Variants in MID1 observed in about 807,000 individuals in gnomAD.
The protein encoded by MID1 is E3 ubiquitin-protein ligase Midline-1.
Under a neutral mutation model 40.4 loss-of-function variants are expected in MID1, and 7 were observed. That is an observed-to-expected ratio of 0.17 (90% CI 0.10 to 0.33). The LOEUF is 0.33. MID1 is among the 10% of genes least tolerant of loss of function. MID1 has a pLI of 1.00. For synonymous variants in MID1, 229 were observed against 221.2 expected (o/e 1.04, Z -0.31); for missense variants, 367 against 558.5 (o/e 0.66, Z 3.46).
At chrX:10,808,003 G>T (rs1159675897) in intron 1 of MID1, among the ~76,000 whole-genome samples, 1 of 112,516 alleles carries the variant, frequency 8.9e-6, no homozygotes, top group African/African-American at 3.2e-5. Flanking sequence ...GAAGAAAGGG[G>T]TAACAGGTTC....
intron 1 of MID1, among the ~76,000 whole-genome samples, chrX:10,756,726 A>G (rs1275914517): frequency 2.7e-5 from 3 of 112,344 alleles, no homozygotes; most frequent in Non-Finnish European, 5.6e-5. Context: ...GAAAACATAC[A>G]GGTTTTGCAG....
chrX:10,735,902 G>A (rs2043484466), intron 1 of MID1, among the ~76,000 whole-genome samples: 1 of 111,131 alleles, frequency 9.0e-6, no homozygotes, highest in African/African-American at 3.3e-5. Context: ...AAAGTGCTGG[G>A]ATTACAGGCA....
chrX:10,651,662 G>C (rs762342277), intron 1 of MID1, among the ~76,000 whole-genome samples: 5 of 112,455 alleles, frequency 4.4e-5, no homozygotes, highest in Non-Finnish European at 7.5e-5. Context: ...GTCTCGCTCT[G>C]TTGTCCAGGC....
intron 1 of MID1, among the ~76,000 whole-genome samples, chrX:10,793,934 T>C (rs1354853900): frequency 9.0e-6 from 1 of 111,560 alleles, no homozygotes. Flanking sequence ...TCCCTTCCTC[T>C]TCTCTTCTTT....
At chrX:10,735,081 C>T (rs1042184500) in intron 1 of MID1, among the ~76,000 whole-genome samples, 3 of 111,688 alleles carry the variant, frequency 2.7e-5, no homozygotes, top group Non-Finnish European at 3.8e-5. Flanking sequence ...TACCAAGAGT[C>T]GATTAGACAT....
chrX:10,720,007 G>A (rs1399580930), intron 1 of MID1, among the ~76,000 whole-genome samples: 1 of 111,997 alleles, frequency 8.9e-6, no homozygotes, highest in Non-Finnish European at 1.9e-5. Context: ...GTAGAAAGCT[G>A]AAACTGCATC....
chrX:10,565,263 T>C (rs1569106896), intron 2 of MID1: 1 of 331,399 alleles, frequency 3.0e-6, no homozygotes, highest in East Asian at 9.7e-5. Context: ...CAGTAATTCT[T>C]TGGATACTTG....
At chrX:10,519,637 T>C (rs1488439415) in intron 3 of MID1, among the ~76,000 whole-genome samples, 6 of 112,063 alleles carry the variant, frequency 5.4e-5, no homozygotes, top group Non-Finnish European at 9.4e-5. Flanking sequence ...CTCTCTCACC[T>C]ATGTTTTACT....
In MID1 at chrX:10,523,188, CTGT is replaced by C; in HGVS notation, c.661-4_661-2del. The C allele has an allele frequency of 9.3e-7, 1 of 1,076,634 alleles. No individual in the cohort carries two copies. The highest frequency in any genetic ancestry group is 2.2e-5 in the African/African-American group (1 of 45,905). 88.7% of individuals were successfully genotyped at this position (1,076,634 alleles called of 1,213,427 possible). On this transcript the variant is annotated splice_acceptor_variant and splice_polypyrimidine_tract_variant and intron_variant, in intron 2 of 9. Transcript: ENST00000317552. LOFTEE classifies it high-confidence loss of function. The stretch of plus-strand genomic sequence containing the variant: ...TGGTGAGGTTACTCTCTAAGTTTTG[CTGT>C]TCAAAAAAAAAAAAAAAAGAGGAAA...
At chrX:10,588,300 A>G (rs1382215756) in intron 1 of MID1, among the ~76,000 whole-genome samples, 1 of 112,068 alleles carries the variant, frequency 8.9e-6, no homozygotes, top group Non-Finnish European at 1.9e-5. Flanking sequence ...CTTTTAAATT[A>G]TACAACATTT....
chrX:10,792,997 G>A (rs2043943641), intron 1 of MID1, among the ~76,000 whole-genome samples: 1 of 111,900 alleles, frequency 8.9e-6, no homozygotes, highest in Non-Finnish European at 1.9e-5. Flanking sequence ...TACAAATGTG[G>A]GAAGCAAGAG....
intron 1 of MID1, chrX:10,677,727 C>A (rs950464039): frequency 1.8e-5 from 2 of 111,956 alleles, no homozygotes; most frequent in African/African-American, 6.5e-5. Context: ...TCATAGTGAC[C>A]CTGCATAGAA....
At chrX:10,832,367 A>C (rs775094074) in intron 1 of MID1, among the ~76,000 whole-genome samples, 5 of 112,536 alleles carry the variant, frequency 4.4e-5, no homozygotes, top group Non-Finnish European at 7.5e-5. Context: ...TTTTTTAAAA[A>C]CGTGGTCATT....
At chrX:10,549,983 TGAG>T (rs1363724022) in intron 2 of MID1, among the ~76,000 whole-genome samples, 2 of 112,847 alleles carry the variant, frequency 1.8e-5, no homozygotes, top group African/African-American at 6.4e-5. Flanking sequence ...GTCTCTGACT[TGAG>T]GAGTTTAGAA....
chrX:10,719,418 G>A (rs1276886907), intron 1 of MID1, among the ~76,000 whole-genome samples: 1 of 110,962 alleles, frequency 9.0e-6, no homozygotes, highest in East Asian at 2.8e-4. Context: ...CAAACAGAGA[G>A]CCAAATCATG....
intron 1 of MID1, among the ~76,000 whole-genome samples, chrX:10,819,423 G>T (rs755387850): frequency 8.9e-6 from 1 of 111,795 alleles, no homozygotes; most frequent in Non-Finnish European, 1.9e-5. Context: ...TATTGCAACC[G>T]AAGACATCAC....
chrX:10,718,867 T>C lies in MID1; in HGVS notation c.-186-98448A>G, dbSNP rs1291787620. On this transcript the variant is annotated intron_variant, in intron 1 of 10. Coordinates refer to the MID1 transcript ENST00000380785. ...ATCCACTATGATCAAGTGGGCTTCA[T>C]CCCTGGGATGCAAGGCAGGTTCAAC... Among the ~76,000 whole-genome samples, 12 of 111,810 alleles carry C rather than the reference T, an allele frequency of 1.1e-4. No homozygotes were observed. In the East Asian group the frequency reaches 3.1e-3, roughly 29 times the overall value.
At chrX:10,794,276 C>T (rs767742605) in intron 1 of MID1, among the ~76,000 whole-genome samples, 2 of 111,938 alleles carry the variant, frequency 1.8e-5, no homozygotes, top group African/African-American at 3.2e-5. Flanking sequence ...CTGTCCCCAC[C>T]CCCAAGGTTC....
At chrX:10,656,512 T>C (rs1177361325) in intron 1 of MID1, among the ~76,000 whole-genome samples, 2 of 111,521 alleles carry the variant, frequency 1.8e-5, no homozygotes, top group African/African-American at 6.5e-5. Context: ...TCTTCACTTG[T>C]CTGTGCAGAC....
Sources: allele counts gnomAD v4.1 joint callset (sites outside exome capture counted in the v4.1 genomes callset), GRCh38; gene constraint gnomAD v4.1.1; transcripts MANE v1.5; gene names NCBI Gene and HGNC (gene_info 2026-07-23, HGNC 2026-07-21).